PCDHA7: variants seen among roughly 807,000 people sequenced by gnomAD.
PCDHA7 encodes the protein protocadherin alpha 7.
In PCDHA7, 37 loss-of-function variants were observed where a neutral mutation model predicts 57.2. That is an observed-to-expected ratio of 0.65 (90% CI 0.50 to 0.85). The LOEUF (loss-of-function observed/expected upper bound fraction) is 0.85. Among genes scored for constraint, PCDHA7 ranks in the 40% least tolerant of loss-of-function variants. The pLI is 0.00. For synonymous variants in PCDHA7, 553 were observed against 558.8 expected (o/e 0.99, Z 0.15); for missense variants, 1,188 against 1,241.8 (o/e 0.96, Z 0.65).
chr5:140,898,056 T>A (rs1330796298), intron 1 of PCDHA7, among the ~76,000 whole-genome samples: 5 of 152,202 alleles, frequency 3.3e-5, no homozygotes, highest in Admixed American at 3.3e-4. Context: ...TTCTTGTAAA[T>A]TTGTTTGAGT....
intron 1 of PCDHA7, among the ~76,000 whole-genome samples, chr5:140,910,128 T>C (rs2074896985): frequency 6.6e-6 from 1 of 152,238 alleles, no homozygotes; most frequent in African/African-American, 2.4e-5. Flanking sequence ...GTCTGTAAAC[T>C]GGTTTAAGTC....
At chr5:140,920,329 G>A (rs556077448) in intron 1 of PCDHA7, among the ~76,000 whole-genome samples, 8 of 152,080 alleles carry the variant, frequency 5.3e-5, no homozygotes, top group South Asian at 4.2e-4. Flanking sequence ...TATATTTATG[G>A]CATTTCTTAT....
chr5:140,862,647 C>T (rs2047469341), intron 1 of PCDHA7: 12 of 541,942 alleles, frequency 2.2e-5, no homozygotes, highest in South Asian at 1.7e-4. Context: ...TCACAGTGTC[C>T]GCGCGGGACC....
At position 140,835,941 on chromosome 5, in the gene PCDHA7, CT is replaced by C. The variant is rs2150248742; in HGVS notation, c.1559del (p.Leu520ArgfsTer16). 8.1e-6 allele frequency: 13 copies of C among 1,612,538 alleles called. No individual in the cohort carries two copies. Among genetic ancestry groups the C allele is most frequent in the Non-Finnish European group, 1.1e-5 (13 of 1,179,680 alleles). ...VHAESGKVYALQPLDHEELEL... is the reference protein window; with the variant it reads ...VHAESGKVYAXQPLDHEELEL... ...CGCGGAGAGCGGCAAGGTGTACGCG[CT>C]GCAGCCGTTGGACCACGAGGAGCTG... On this transcript the variant is annotated frameshift_variant, in exon 1 of 4. Coordinates refer to ENST00000525929, the MANE Select transcript of PCDHA7 (RefSeq NM_018910.3). LOFTEE classifies it high-confidence loss of function.
intron 1 of PCDHA7, among the ~76,000 whole-genome samples, chr5:140,904,764 A>G (rs1354356510): frequency 2.0e-5 from 3 of 152,240 alleles, no homozygotes; most frequent in African/African-American, 4.8e-5. Context: ...CAAGAATAAG[A>G]TGGTATCACA....
At chr5:140,870,021 TTTAGA>T (rs782664085) in intron 1 of PCDHA7, 39 of 1,613,464 alleles carry the variant, frequency 2.4e-5, no homozygotes, top group Non-Finnish European at 3.1e-5. Flanking sequence ...TCAATGGAAC[TTTAGA>T]TTATGAAGAA....
At chr5:140,888,983 T>C (rs193278447) in intron 1 of PCDHA7, among the ~76,000 whole-genome samples, 22 of 152,266 alleles carry the variant, frequency 1.4e-4, no homozygotes, top group African/African-American at 5.1e-4. Flanking sequence ...AATTTATGAT[T>C]TATGATTTTC....
Position 140,836,456 on chromosome 5 carries a change from C to T in PCDHA7, c.2073C>T (p.Thr691=), listed in dbSNP as rs2150261271. ...CGTTGGGCATTGCAGGCCCAGAGAC[C>T]GAGCTGGTGGATGTCAACGTGTACC... is the stretch of plus-strand genomic sequence containing the variant. ...RASLGIAGPE[T]ELVDVNVYLI... is the part of the protein sequence containing the mutation. Residue 691 remains threonine, a synonymous_variant, in exon 1 of 4, where the codon ACC becomes ACT. Coordinates refer to ENST00000525929, the MANE Select transcript of PCDHA7 (RefSeq NM_018910.3). 9 of 1,613,808 alleles carry T rather than the reference C, an allele frequency of 5.6e-6. No individual in the cohort carries two copies. In the South Asian group the frequency reaches 7.7e-5, roughly 14 times the overall value.
At chr5:140,854,493 T>C (rs990142871) in intron 1 of PCDHA7, 1 of 149,954 alleles carries the variant, frequency 6.7e-6, no homozygotes, top group African/African-American at 2.4e-5. Flanking sequence ...CAGAATTTAG[T>C]AGGACACATA....
At chr5:140,863,101 C>T in intron 1 of PCDHA7, 1 of 580,234 alleles carries the variant, frequency 1.7e-6, no homozygotes, top group Non-Finnish European at 3.4e-6. Flanking sequence ...GACGAGTACC[C>T]TGGACGAGGC....
intron 1 of PCDHA7, chr5:140,847,643 G>C (rs1219551940): frequency 6.7e-6 from 1 of 149,570 alleles, no homozygotes; most frequent in East Asian, 1.9e-4. Context: ...CTACAAAGAA[G>C]AGATTATTCA....
At chr5:140,937,190 A>T (rs1255488487) in intron 1 of PCDHA7, among the ~76,000 whole-genome samples, 1 of 151,824 alleles carries the variant, frequency 6.6e-6, no homozygotes, top group East Asian at 2.0e-4. Context: ...GGCGCCCGCC[A>T]CCATGCCCGG....
At chr5:140,876,561 T>G in intron 1 of PCDHA7, 2 of 1,614,162 alleles carry the variant, frequency 1.2e-6, no homozygotes, top group Non-Finnish European at 1.7e-6. Flanking sequence ...AAGAGGATGC[T>G]CAGGTGGGTA....
intron 1 of PCDHA7, among the ~76,000 whole-genome samples, chr5:140,908,701 C>A (rs2074102440): frequency 6.6e-6 from 1 of 152,218 alleles, no homozygotes; most frequent in Admixed American, 6.5e-5. Context: ...ACACCTCAAG[C>A]ACCATTGGAT....
rs1231451796 is a variant in PCDHA7, at chr5:140,869,049, G to T, written c.2355+32311G>T. On this transcript the variant is annotated intron_variant, in intron 1 of 3. Coordinates refer to ENST00000525929, the MANE Select transcript of PCDHA7 (RefSeq NM_018910.3). ...ACGAGATTTTTAACCTGAAACTGAA[G>T]AATCTGGTACTGTAAGTGTAAAGAA... 1.1e-5 allele frequency: 17 copies of T among 1,532,472 alleles called. No homozygotes were observed. The South Asian group carries it at 2.1e-4, about 19-fold the overall frequency. 94.9% of individuals were successfully genotyped at this position (1,532,472 alleles called of 1,614,324 possible).
chr5:140,857,164 C>T, intron 1 of PCDHA7: 1 of 1,598,342 alleles, frequency 6.3e-7, no homozygotes, highest in Non-Finnish European at 8.6e-7. Context: ...CCCTAATCAG[C>T]GTTTCTGACC....
Position 140,993,501 on chromosome 5 carries a change from C to CAT in PCDHA7, c.2503+10939_2503+10940insTA, listed in dbSNP as rs1159844142. Among the ~76,000 whole-genome samples the CAT allele has an allele frequency of 9.9e-4, 148 of 149,100 alleles. 5 individuals carry two copies. In the East Asian group the frequency reaches 0.024, roughly 24 times the overall value. On this transcript the variant is annotated intron_variant, in intron 3 of 3. Transcript: ENST00000525929. ...ACACACACACACACACACACACACA[C>CAT]ACACACACGGGGAGAGAGAGACAGA...
intron 1 of PCDHA7, chr5:140,969,583 AG>A: frequency 1.1e-6 from 1 of 914,068 alleles, no homozygotes; most frequent in South Asian, 1.9e-5. Context: ...AGTGAGGATT[AG>A]TCTTAATATT....
At chr5:140,875,738 G>C (rs1197047985) in intron 1 of PCDHA7, 1 of 1,614,204 alleles carries the variant, frequency 6.2e-7, no homozygotes, top group Non-Finnish European at 8.5e-7. Context: ...GTGAATTCTC[G>C]GATCGACCGC....
Sources: gnomAD v4.1 joint callset for allele counts (sites outside exome capture counted in the v4.1 genomes callset) on GRCh38, gnomAD v4.1.1 for gene constraint, MANE v1.5 for transcripts, NCBI Gene and HGNC (gene_info 2026-07-23, HGNC 2026-07-21) for gene names.